The following PCED1B variants were observed in gnomAD, a reference collection of about 807,000 sequenced individuals.
The protein encoded by PCED1B is PC-esterase domain-containing protein 1B.
For synonymous variants in PCED1B, 251 were observed against 246.1 expected, an observed-to-expected ratio of 1.02 and a Z score of -0.19; for missense variants, 573 against 573.9, an observed-to-expected ratio of 1.00 and a Z score of 0.02.
chr12:47,236,608 A>G lies in PCED1B; in HGVS notation c.*246A>G. 4.5e-6 allele frequency: 2 copies of G among 443,224 alleles called. No homozygotes were observed. Among genetic ancestry groups the G allele is most frequent in the Non-Finnish European group, 4.1e-6 (1 of 244,520 alleles). The allele number at this position is 443,224 out of a possible 1,614,324, so 27.5% of individuals were successfully genotyped here. ...GCGTTATTCCTGCCTCCTCACTCCT[A>G]TTCTCTTTGCCTTTGTGTAAAAATA... On this transcript the variant is annotated 3_prime_UTR_variant, in exon 4 of 4. Coordinates refer to ENST00000546455, the MANE Select transcript of PCED1B (RefSeq NM_138371.3).
intron 2 of PCED1B, among the ~76,000 whole-genome samples, chr12:47,211,670 A>G (rs1943086398): frequency 6.8e-6 from 1 of 147,402 alleles, no homozygotes; most frequent in Non-Finnish European, 1.5e-5. Flanking sequence ...AAAAAAAAAA[A>G]AAAAAAACTG....
At chr12:47,089,403 T>C (rs1938142723) in intron 1 of PCED1B, among the ~76,000 whole-genome samples, 1 of 141,154 alleles carries the variant, frequency 7.1e-6, no homozygotes, top group African/African-American at 2.6e-5. Context: ...GCTGAGATCA[T>C]GCCACTGAAC....
chr12:47,223,585 G>T (rs755818541), intron 3 of PCED1B: 6 of 152,266 alleles, frequency 3.9e-5, no homozygotes, highest in Non-Finnish European at 8.8e-5. Flanking sequence ...GGAGGGTAAA[G>T]AAAATGCAGA....
At chr12:47,226,832 C>A (rs552236731) in intron 3 of PCED1B, among the ~76,000 whole-genome samples, 2 of 152,222 alleles carry the variant, frequency 1.3e-5, no homozygotes, top group South Asian at 2.1e-4. Flanking sequence ...CTAAAATGAT[C>A]GCTGATCTGG....
At chr12:47,175,511 C>T (rs1941894005) in intron 2 of PCED1B, among the ~76,000 whole-genome samples, 1 of 152,050 alleles carries the variant, frequency 6.6e-6, no homozygotes, top group African/African-American at 2.4e-5. Flanking sequence ...ATACAGAAAT[C>T]CCACTTCAGA....
intron 2 of PCED1B, among the ~76,000 whole-genome samples, chr12:47,183,151 A>ATTC (rs1439021985): frequency 6.6e-6 from 1 of 152,190 alleles, no homozygotes; most frequent in East Asian, 1.9e-4. Context: ...CCAATTAGGG[A>ATTC]ATGAACTTTT....
chr12:47,092,361 A>T (rs1360510469), intron 1 of PCED1B, among the ~76,000 whole-genome samples: 1 of 152,028 alleles, frequency 6.6e-6, no homozygotes, highest in East Asian at 1.9e-4. Flanking sequence ...TAGTTTTTAT[A>T]TGTTGACTGT....
chr12:47,138,038 A>G (rs777379484), intron 2 of PCED1B, among the ~76,000 whole-genome samples: 8 of 152,228 alleles, frequency 5.3e-5, no homozygotes, highest in Non-Finnish European at 8.8e-5. Flanking sequence ...AGTTTCACAT[A>G]GCATACAAAC....
In PCED1B at chr12:47,236,364, C is replaced by T. The variant is rs752994533; in HGVS notation, c.*2C>T. 31 of 1,568,790 alleles carry T rather than the reference C, an allele frequency of 2.0e-5. No homozygotes were observed. Among genetic ancestry groups the T allele is most frequent in the East Asian group, 9.1e-5 (4 of 44,000 alleles). ...AATCCTGAGCCAAGGCCTCAATAGA[C>T]GGACCTAGGCCTTATTTCCTCTTTA... On this transcript the variant is annotated 3_prime_UTR_variant, in exon 4 of 4. Coordinates refer to ENST00000546455, the MANE Select transcript of PCED1B (RefSeq NM_138371.3).
At chr12:47,173,269 T>C (rs1941810468) in intron 2 of PCED1B, among the ~76,000 whole-genome samples, 1 of 152,362 alleles carries the variant, frequency 6.6e-6, no homozygotes, top group Non-Finnish European at 1.5e-5. Flanking sequence ...TATGTTTCTT[T>C]GTTTTGACAG....
At position 47,083,881 on chromosome 12, in the gene PCED1B, C is replaced by T. The variant is rs190540622; in HGVS notation, c.-609+4156C>T. 2.0e-5 allele frequency among the ~76,000 whole-genome samples: 3 copies of T among 152,282 alleles called. No individual in the cohort carries two copies. In the East Asian group the frequency reaches 5.8e-4, roughly 29 times the overall value. ...CCACTCACTCATCTGGTTGGTCTGT[C>T]TCTTATCTTCATTGACATAGGCCGG... On this transcript the variant is annotated intron_variant, in intron 1 of 3. Coordinates refer to ENST00000546455, the MANE Select transcript of PCED1B (RefSeq NM_138371.3).
intron 2 of PCED1B, among the ~76,000 whole-genome samples, chr12:47,177,342 C>T (rs12581803): frequency 0.26 from 40,173 of 152,018 alleles, 5,959 homozygotes; most frequent in East Asian, 0.55. Context: ...TCATCATTGG[C>T]GAAATTGGAG....
chr12:47,138,687 G>A (rs143106058), intron 2 of PCED1B, among the ~76,000 whole-genome samples: 6 of 152,194 alleles, frequency 3.9e-5, no homozygotes, highest in South Asian at 4.1e-4. Flanking sequence ...TATCTTAACT[G>A]CAATTATTAT....
chr12:47,089,488 ATATATG>A (rs1385502069), intron 1 of PCED1B, among the ~76,000 whole-genome samples: 3,036 of 93,324 alleles, frequency 0.033, 238 homozygotes, highest in African/African-American at 0.11. Context: ...ATATATATAT[ATATATG>A]TATATACCAA....
chr12:47,099,350 A>G (rs926509399), intron 1 of PCED1B, among the ~76,000 whole-genome samples: 4 of 152,120 alleles, frequency 2.6e-5, no homozygotes, highest in Non-Finnish European at 4.4e-5. Flanking sequence ...GCTACTTACC[A>G]TCACACATAA....
At chr12:47,195,403 G>A (rs1363807042) in intron 2 of PCED1B, among the ~76,000 whole-genome samples, 1 of 151,968 alleles carries the variant, frequency 6.6e-6, no homozygotes, top group African/African-American at 2.4e-5. Flanking sequence ...TGAGGATCAT[G>A]AGAAAATGAA....
At chr12:47,153,530 A>C (rs1245205408) in intron 2 of PCED1B, among the ~76,000 whole-genome samples, 1 of 152,146 alleles carries the variant, frequency 6.6e-6, no homozygotes, top group Non-Finnish European at 1.5e-5. Context: ...AAGTCCTTTG[A>C]ATATAAGGAC....
intron 2 of PCED1B, among the ~76,000 whole-genome samples, chr12:47,191,440 A>C (rs1942435870): frequency 6.6e-6 from 1 of 152,222 alleles, no homozygotes; most frequent in African/African-American, 2.4e-5. Context: ...ATAAGATCTC[A>C]AAAGATTATT....
intron 2 of PCED1B, among the ~76,000 whole-genome samples, chr12:47,205,497 G>A (rs1464076370): frequency 6.6e-6 from 1 of 152,188 alleles, no homozygotes; most frequent in Non-Finnish European, 1.5e-5. Context: ...TTTTGGCAAA[G>A]GGCTGTTACC....
Sources: gnomAD v4.1 joint callset for allele counts (sites outside exome capture counted in the v4.1 genomes callset) on GRCh38, gnomAD v4.1.1 for gene constraint, MANE v1.5 for transcripts, NCBI Gene and HGNC (gene_info 2026-07-23, HGNC 2026-07-21) for gene names.